Variants in LHCGR observed in about 807,000 individuals in gnomAD.
The protein encoded by LHCGR is luteinizing hormone/choriogonadotropin receptor, also known as lutropin-choriogonadotropic hormone receptor.
LHCGR carries 55 observed loss-of-function variants against 60.7 expected under a neutral mutation model. That is an observed-to-expected ratio of 0.91 (90% CI 0.73 to 1.13). The LOEUF is 1.13. Ranked by LOEUF, LHCGR falls within the 50% of genes most tolerant of loss-of-function variation. LHCGR has a pLI of 0.00. For synonymous variants in LHCGR, 337 were observed against 316.5 expected, an observed-to-expected ratio of 1.06 and a Z score of -0.69; for missense variants, 862 against 836.0, an observed-to-expected ratio of 1.03 and a Z score of -0.38.
intron 8 of LHCGR, among the ~76,000 whole-genome samples, chr2:48,700,541 G>A (rs921204984): frequency 7.2e-5 from 11 of 152,184 alleles, no homozygotes; most frequent in Admixed American, 2.6e-4. Flanking sequence ...CTGTCATGCA[G>A]GAGTCTTGGG....
chr2:48,687,924 T>C lies in LHCGR; in HGVS notation c.1873A>G (p.Ile625Val). Residue 625 changes from isoleucine (I) to valine (V), a missense_variant, in exon 11 of 11, where the codon ATA (isoleucine) becomes GTA (valine). Physicochemically the swap from Ile to Val is conservative, Grantham distance 29 (BLOSUM62 3). Coordinates refer to ENST00000294954, the MANE Select transcript of LHCGR (RefSeq NM_000233.4). Reference protein sequence around the residue: ...NSCANPFLYAIFTKTFQRDFF... With the variant: ...NSCANPFLYAVFTKTFQRDFF... ...TCTCTTTGGAATGTCTTAGTGAATATTGCATACAGAAATGGATTGGCACAA... is the reference window on the plus strand; with the variant it reads ...TCTCTTTGGAATGTCTTAGTGAATACTGCATACAGAAATGGATTGGCACAA... 4.3e-6 allele frequency: 7 copies of C among 1,614,104 alleles called. No homozygotes were observed. Among genetic ancestry groups the C allele is most frequent in the South Asian group, 1.1e-5 (1 of 91,078 alleles).
chr2:48,709,698 C>G (rs1279030773), intron 7 of LHCGR, among the ~76,000 whole-genome samples: 3 of 151,864 alleles, frequency 2.0e-5, no homozygotes, highest in African/African-American at 7.3e-5. Context: ...AAGCCAAAAG[C>G]TGTTATGGAA....
rs1572808333 is a variant in LHCGR at position 48,690,199 on chromosome 2, A to G, written c.948-1350T>C. Among the ~76,000 whole-genome samples the G allele has an allele frequency of 2.6e-5, 4 of 152,318 alleles. No individual in the cohort carries two copies. The Middle Eastern group carries it at 0.014, about 518-fold the overall frequency. On this transcript the variant is annotated intron_variant, in intron 10 of 10. Coordinates refer to ENST00000294954, the MANE Select transcript of LHCGR (RefSeq NM_000233.4). ...TCTTACTGGCTATGAGATAAAATCCAAACTCATTGTGATGACTTCCAAGGC... is the reference window on the plus strand; with the variant it reads ...TCTTACTGGCTATGAGATAAAATCCGAACTCATTGTGATGACTTCCAAGGC...
At chr2:48,715,123 G>A (rs1187675539) in intron 6 of LHCGR, among the ~76,000 whole-genome samples, 2 of 151,930 alleles carry the variant, frequency 1.3e-5, no homozygotes, top group Admixed American at 1.3e-4. Flanking sequence ...CCAATTTCCT[G>A]TTTCCCCCTA....
chr2:48,694,900 C>T (rs540773047), intron 9 of LHCGR, among the ~76,000 whole-genome samples: 1 of 152,120 alleles, frequency 6.6e-6, no homozygotes, highest in Non-Finnish European at 1.5e-5. Context: ...TGGGGGAGCA[C>T]TTACCTAGAG....
Position 48,704,101 on chromosome 2 carries a change from C to T in LHCGR, c.680+4847G>A, listed in dbSNP as rs1019692713. ...TATTGAGTGTTTTTAGCATGAAGCACTGTTGAATTTTGTCGAAGGCCTTTT... is the reference window on the plus strand; with the variant it reads ...TATTGAGTGTTTTTAGCATGAAGCATTGTTGAATTTTGTCGAAGGCCTTTT... On this transcript the variant is annotated intron_variant, in intron 8 of 10. Transcript: ENST00000294954. 4.6e-5 allele frequency among the ~76,000 whole-genome samples: 7 copies of T among 152,138 alleles called. 1 individual carries two copies. In the South Asian group the frequency reaches 6.2e-4, roughly 14 times the overall value.
chr2:48,747,012 CTT>C (rs1669739942), intron 1 of LHCGR, among the ~76,000 whole-genome samples: 1 of 152,074 alleles, frequency 6.6e-6, no homozygotes, highest in Non-Finnish European at 1.5e-5. Flanking sequence ...CACTTAAAAA[CTT>C]TTTTTAAAGT....
rs998665437 is a variant in LHCGR, at chr2:48,742,119, A to G, written c.162-10821T>C. On this transcript the variant is annotated intron_variant, in intron 1 of 10. Coordinates refer to ENST00000294954, the MANE Select transcript of LHCGR (RefSeq NM_000233.4). ...AAGGCCATTACATAATGGTAAAGGG[A>G]TCAATTCAACAAGAAGAGCTAACTA... Among the ~76,000 whole-genome samples the G allele has an allele frequency of 3.3e-5, 5 of 151,956 alleles. No homozygotes were observed. In the South Asian group the frequency reaches 6.2e-4, roughly 19 times the overall value.
At chr2:48,698,417 C>T (rs1055229374) in intron 9 of LHCGR, among the ~76,000 whole-genome samples, 198 bp downstream of exon 9, 6 of 152,176 alleles carry the variant, frequency 3.9e-5, no homozygotes, top group Admixed American at 2.0e-4. Context: ...CAGGGTGAAT[C>T]AACTATTTGG....
intron 1 of LHCGR, among the ~76,000 whole-genome samples, chr2:48,753,631 A>T (rs138385157): frequency 1.3e-5 from 2 of 152,308 alleles, no homozygotes; most frequent in African/African-American, 4.8e-5. Flanking sequence ...TTTTAAAAAA[A>T]ATTTACTTCA....
chr2:48,736,313 T>G (rs370407586), intron 1 of LHCGR, among the ~76,000 whole-genome samples: 6 of 152,306 alleles, frequency 3.9e-5, no homozygotes, highest in African/African-American at 1.4e-4. Context: ...CGGGTGGGAC[T>G]ACTCAGAAGG....
intron 1 of LHCGR, among the ~76,000 whole-genome samples, chr2:48,738,530 C>A (rs916710323): frequency 6.6e-5 from 10 of 152,190 alleles, no homozygotes; most frequent in African/African-American, 2.2e-4. Context: ...TTTGCCACCC[C>A]CTCAGCCAAC....
chr2:48,706,914 C>T (rs183006472), intron 8 of LHCGR, among the ~76,000 whole-genome samples: 83 of 152,292 alleles, frequency 5.5e-4, no homozygotes, highest in Middle Eastern at 3.4e-3. Context: ...ACTCATTCTC[C>T]GACCAGTTTT....
intron 8 of LHCGR, among the ~76,000 whole-genome samples, chr2:48,702,578 C>A (rs1667464917): frequency 6.6e-6 from 1 of 152,158 alleles, no homozygotes; most frequent in Admixed American, 6.5e-5. Context: ...CATGTCCCTG[C>A]AAAGGACATG....
At chr2:48,739,614 A>C (rs1348923881) in intron 1 of LHCGR, among the ~76,000 whole-genome samples, 3 of 151,774 alleles carry the variant, frequency 2.0e-5, no homozygotes, top group Admixed American at 1.3e-4. Context: ...TTGAACAATG[A>C]GAACACATGG....
In LHCGR at chr2:48,688,721, T is replaced by C. The variant is rs1300411402; in HGVS notation, c.1076A>G (p.Tyr359Cys). The C allele has an allele frequency of 6.2e-7, 1 of 1,614,156 alleles. No homozygotes were observed. The highest frequency in any genetic ancestry group is 8.5e-7 in the Non-Finnish European group (1 of 1,180,024). ...CCAAATCAGGACCCTAAGGAAGTCA[T>C]AGCCCATAATATCTTCACAGGGATT... is the stretch of plus-strand genomic sequence containing the variant. ...AFNPCEDIMG[Y>C]DFLRVLIWLI... Residue 359 changes from tyrosine to cysteine, a missense_variant, in exon 11 of 11, where the codon TAT becomes TGT. Physicochemically the swap from Tyr to Cys is radical, Grantham distance 194. Transcript: ENST00000294954. The surrounding 1 kb of genome is among the most constrained non-coding windows in gnomAD (Gnocchi z 5.2).
At chr2:48,754,636 C>A (rs1172662599) in intron 1 of LHCGR, among the ~76,000 whole-genome samples, 1 of 152,064 alleles carries the variant, frequency 6.6e-6, no homozygotes, top group African/African-American at 2.4e-5. Context: ...TAGTAGTCAC[C>A]TACTGTCCCT....
chr2:48,724,658 G>C (rs1277196786), intron 4 of LHCGR, among the ~76,000 whole-genome samples: 1 of 152,200 alleles, frequency 6.6e-6, no homozygotes, highest in African/African-American at 2.4e-5. Context: ...TAGATAATAA[G>C]AGGCTGCAGT....
chr2:48,691,567 C>T (rs1017289505), intron 10 of LHCGR, among the ~76,000 whole-genome samples: 3 of 152,102 alleles, frequency 2.0e-5, no homozygotes, highest in South Asian at 4.2e-4. Context: ...GTTTTAAGGC[C>T]GGGCGCGGTG....
Sources: gnomAD v4.1 joint callset for allele counts (sites outside exome capture counted in the v4.1 genomes callset) on GRCh38, gnomAD v4.1.1 for gene constraint, Gnocchi (gnomAD v3.1) non-coding constraint, MANE v1.5 for transcripts, NCBI Gene and HGNC (gene_info 2026-07-23, HGNC 2026-07-21) for gene names.